EDNRB: variants seen among roughly 807,000 people sequenced by gnomAD.
EDNRB encodes the protein Hirschsprung disease 2.
In EDNRB, 18 loss-of-function variants were observed where a neutral mutation model predicts 46.4. The ratio of observed to expected loss-of-function variants is 0.39; its 90% confidence interval spans 0.27 to 0.57. EDNRB has a LOEUF of 0.57. Among genes scored for constraint, EDNRB ranks in the 20% least tolerant of loss-of-function variants. EDNRB has a pLI of 0.61. For synonymous variants in EDNRB, 213 were observed against 204.9 expected, an observed-to-expected ratio of 1.04 and a Z score of -0.34; for missense variants, 434 against 537.5, an observed-to-expected ratio of 0.81 and a Z score of 1.90.
intron 1 of EDNRB, among the ~76,000 whole-genome samples, chr13:77,915,931 G>A (rs1051562670): frequency 6.6e-6 from 1 of 152,176 alleles, no homozygotes; most frequent in African/African-American, 2.4e-5. Flanking sequence ...TGAAATGAAA[G>A]GGAAACTGTA....
chr13:77,901,637 G>C (rs1281469290), intron 3 of EDNRB, among the ~76,000 whole-genome samples: 1 of 151,916 alleles, frequency 6.6e-6, no homozygotes, highest in Non-Finnish European at 1.5e-5. Context: ...GATACGAAAA[G>C]GTCTAGGTTA....
At chr13:77,931,746 A>C (rs78578343) in intron 1 of EDNRB, among the ~76,000 whole-genome samples, 2 of 14,030 alleles carry the variant, frequency 1.4e-4, no homozygotes, top group Non-Finnish European at 3.8e-4. Flanking sequence ...TGTAGTAGCA[A>C]AAAAAAAAAA....
intron 1 of EDNRB, among the ~76,000 whole-genome samples, chr13:77,909,568 CATAG>C (rs1046881373): frequency 1.3e-5 from 2 of 152,040 alleles, no homozygotes; most frequent in African/African-American, 2.4e-5. Context: ...CCTCATTAAA[CATAG>C]ATAGCATTTT....
intron 1 of EDNRB, among the ~76,000 whole-genome samples, chr13:77,973,838 T>C (rs909511811): frequency 6.6e-6 from 1 of 152,070 alleles, no homozygotes; most frequent in Non-Finnish European, 1.5e-5. Context: ...TCTGACTTAT[T>C]ACAAATATTT....
At position 77,943,101 on chromosome 13, in the gene EDNRB, A is replaced by T. The variant is rs997573026; in HGVS notation, c.-51-24477T>A. 2.6e-5 allele frequency among the ~76,000 whole-genome samples: 4 copies of T among 152,106 alleles called. 1 individual carries two copies. The South Asian group carries it at 6.2e-4, about 24-fold the overall frequency. ...ATTGTAGTCATTACATTCCAGTCAGAGTCTATTGTCTCCTTCCATAAAAGC... is the reference window on the plus strand; with the variant it reads ...ATTGTAGTCATTACATTCCAGTCAGTGTCTATTGTCTCCTTCCATAAAAGC... On this transcript the variant is annotated intron_variant, in intron 1 of 7. Coordinates refer to the EDNRB transcript ENST00000646948.
At chr13:77,966,723 G>A (rs919740836) in intron 1 of EDNRB, among the ~76,000 whole-genome samples, 1 of 152,156 alleles carries the variant, frequency 6.6e-6, no homozygotes, top group Admixed American at 6.6e-5. Flanking sequence ...ACATAGATAA[G>A]CAGAGATCTG....
upstream of EDNRB, among the ~76,000 whole-genome samples, chr13:77,921,763 G>A (rs1015125110): frequency 9.2e-5 from 14 of 152,188 alleles, no homozygotes; most frequent in African/African-American, 3.4e-4. Flanking sequence ...CTGGGTGTCA[G>A]TTTCCCCTTT....
Position 77,907,024 on chromosome 13 carries a change from AT to A in EDNRB, c.484-3418del, listed in dbSNP as rs199622684. Among the ~76,000 whole-genome samples the A allele has an allele frequency of 4.0e-3, 610 of 152,014 alleles. 5 individuals are homozygous for A. Among genetic ancestry groups the A allele is most frequent in the African/African-American group, 0.013 (547 of 41,498 alleles). ...AACAAAATGTTTAGAATTAAATCAA[AT>A]TTTTTTTAAACCTATAGCTATGTGT... On this transcript the variant is annotated intron_variant, in intron 1 of 6. Coordinates refer to ENST00000646607, the MANE Select transcript of EDNRB (RefSeq NM_001122659.3).
rs751159441 is a variant in EDNRB, at chr13:77,918,016, A to AAG, written c.483+73_483+74dup. 597 of 1,610,324 alleles carry AAG rather than the reference A, an allele frequency of 3.7e-4. No homozygotes were observed. The highest frequency in any genetic ancestry group is 5.3e-4 in the Admixed American group (32 of 59,976). ...GGAGCTAAAGGGAAGCTCCCTCTAC[A>AAG]AGCTTTCTCATCTCCCCGTCTCCAA... On this transcript the variant is annotated intron_variant, in intron 1 of 6. Coordinates refer to ENST00000646607, the MANE Select transcript of EDNRB (RefSeq NM_001122659.3). This position sits in a 1 kb window ranked among gnomAD's most constrained non-coding sequence, Gnocchi z 4.5.
At chr13:77,933,095 T>C (rs1048187764) in intron 1 of EDNRB, among the ~76,000 whole-genome samples, 24 of 152,206 alleles carry the variant, frequency 1.6e-4, no homozygotes, top group African/African-American at 5.5e-4. Flanking sequence ...TTTTAGGAAA[T>C]ATTTGTTTCT....
intron 1 of EDNRB, chr13:77,947,668 C>T (rs756723418): frequency 1.3e-5 from 2 of 152,040 alleles, no homozygotes; most frequent in African/African-American, 4.8e-5. Context: ...TGTAGACACC[C>T]GATGACCATA....
At position 77,901,118 on chromosome 13, in the gene EDNRB, G is replaced by C. The variant is rs1878952770; in HGVS notation, c.891C>G (p.Thr297=). The change falls in exon 4 of 7, where the codon ACC becomes ACG. Residue 297 remains threonine, a synonymous_variant. Coordinates refer to ENST00000646607, the MANE Select transcript of EDNRB (RefSeq NM_001122659.3). ...AITAFFYTLM[T]CEMLRKKSGM... ...CACTTTTCTTTCTCAACATTTCACA[G>C]GTCATTAGTGTATAAAAAAATGCAG... 1.2e-6 allele frequency: 2 copies of C among 1,611,256 alleles called. No homozygotes were observed. Among genetic ancestry groups the C allele is most frequent in the South Asian group, 2.2e-5 (2 of 91,034 alleles).
intron 1 of EDNRB, among the ~76,000 whole-genome samples, chr13:77,944,335 A>G (rs889425631): frequency 3.3e-5 from 5 of 152,126 alleles, no homozygotes; most frequent in African/African-American, 1.2e-4. Flanking sequence ...CCCTGAATGC[A>G]TCTATCTAAT....
chr13:77,948,686 G>A (rs1036313579), intron 1 of EDNRB, among the ~76,000 whole-genome samples: 1 of 152,150 alleles, frequency 6.6e-6, no homozygotes, highest in African/African-American at 2.4e-5. Context: ...ATGCACATGA[G>A]TTTGATATCC....
intron 1 of EDNRB, among the ~76,000 whole-genome samples, chr13:77,937,894 G>A (rs993451651): frequency 6.6e-6 from 1 of 152,130 alleles, no homozygotes; most frequent in African/African-American, 2.4e-5. Flanking sequence ...ACAGAGACTA[G>A]GGAGGGACTG....
upstream of EDNRB, chr13:77,919,517 G>A (rs1880001901): frequency 1.2e-6 from 2 of 1,612,646 alleles, no homozygotes; most frequent in African/African-American, 1.3e-5. Flanking sequence ...AGCTGCAGGC[G>A]GGTCCGGCTC....
intron 3 of EDNRB, among the ~76,000 whole-genome samples, chr13:77,902,559 C>T (rs1338932000): frequency 6.6e-6 from 1 of 151,880 alleles, no homozygotes; most frequent in African/African-American, 2.4e-5. Context: ...TCATCCTTAG[C>T]CACCTGCTCT....
At chr13:77,958,215 A>G (rs985718904) in intron 1 of EDNRB, among the ~76,000 whole-genome samples, 13 of 152,210 alleles carry the variant, frequency 8.5e-5, no homozygotes, top group African/African-American at 2.9e-4. Context: ...ACAGGCATGT[A>G]GATCATTAAA....
Position 77,930,761 on chromosome 13 carries a change from A to T in EDNRB, c.-51-12137T>A, listed in dbSNP as rs577793101. The stretch of plus-strand genomic sequence containing the variant: ...TATATCTGCAATATGCCAAAATAGA[A>T]CTTCTGGCAACTCTGAAATGTTCTC... On this transcript the variant is annotated intron_variant, in intron 1 of 7. Coordinates refer to the EDNRB transcript ENST00000646948. Among the ~76,000 whole-genome samples, 25 of 152,286 alleles carry T rather than the reference A, an allele frequency of 1.6e-4. 1 individual carries two copies. The highest frequency in any genetic ancestry group is 5.8e-4 in the African/African-American group (24 of 41,566).
Sources: allele counts gnomAD v4.1 joint callset (sites outside exome capture counted in the v4.1 genomes callset), GRCh38; gene constraint gnomAD v4.1.1; non-coding constraint Gnocchi (gnomAD v3.1); transcripts MANE v1.5; gene names NCBI Gene and HGNC (gene_info 2026-07-23, HGNC 2026-07-21).